Variants in EMC8 observed in about 807,000 individuals in gnomAD.
EMC8 encodes the protein ER membrane protein complex subunit 8, also known as COX4 neighbor.
EMC8 carries 11 observed loss-of-function variants against 24.3 expected under a neutral mutation model. The ratio of observed to expected loss-of-function variants is 0.45; its 90% CI spans 0.28 to 0.75. The LOEUF is 0.75. Among genes scored for constraint, EMC8 ranks in the 30% least tolerant of loss-of-function variants. The pLI, the probability that EMC8 is intolerant of heterozygous loss-of-function variation, is 0.12. For missense variants in EMC8, 277 were observed against 282.7 expected (o/e 0.98, Z 0.14); for synonymous variants, 145 against 117.7 (o/e 1.23, Z -1.50).
intron 1 of EMC8, among the ~76,000 whole-genome samples, chr16:85,794,974 T>A (rs532750217): frequency 6.6e-6 from 1 of 152,208 alleles, no homozygotes; most frequent in African/African-American, 2.4e-5. Context: ...GGTAAGTGGT[T>A]TGGGAGGCAG....
chr16:85,786,828 G>A (rs375783658), intron 2 of EMC8, among the ~76,000 whole-genome samples: 5 of 152,196 alleles, frequency 3.3e-5, no homozygotes, highest in East Asian at 3.8e-4. Flanking sequence ...ACAGAGGTAA[G>A]AACATGAGAG....
At chr16:85,783,128 C>A (rs1221064154) in intron 2 of EMC8, among the ~76,000 whole-genome samples, 1 of 152,106 alleles carries the variant, frequency 6.6e-6, no homozygotes, top group Admixed American at 6.5e-5. Flanking sequence ...CATGGTGAAA[C>A]CCTGTCTCTA....
At chr16:85,782,127 A>C (rs938102560) in intron 2 of EMC8, among the ~76,000 whole-genome samples, 1 of 152,200 alleles carries the variant, frequency 6.6e-6, no homozygotes, top group Non-Finnish European at 1.5e-5. Flanking sequence ...GCTGCTGGGC[A>C]CCTGCCAGCT....
At position 85,799,325 on chromosome 16, in the gene EMC8, G is replaced by C; in HGVS notation, c.-30C>G. Reference sequence around the variant, plus strand: ...ACCCGGGAGGGCCCCGGAGGCCCCTGGGCGCGCGGCTGAGGCCTGGACCCG... The same window carrying C: ...ACCCGGGAGGGCCCCGGAGGCCCCTCGGCGCGCGGCTGAGGCCTGGACCCG... On this transcript the variant is annotated 5_prime_UTR_variant, in exon 1 of 5. Coordinates refer to ENST00000253457, the MANE Select transcript of EMC8 (RefSeq NM_006067.5). The surrounding 1 kb of genome is among the most constrained non-coding windows in gnomAD (Gnocchi z 4.2). The C allele has an allele frequency of 6.6e-7, 1 of 1,514,902 alleles. No individual in the cohort carries two copies. The highest frequency in any genetic ancestry group is 8.9e-7 in the Non-Finnish European group (1 of 1,117,954). The allele number at this position is 1,514,902 out of a possible 1,614,324, so 93.8% of individuals were successfully genotyped here.
rs1366432242 is a variant in EMC8, at chr16:85,780,381, G to C, written c.471C>G (p.His157Gln). The change falls in exon 4 of 5, where the codon CAC becomes CAG. Residue 157 changes from histidine to glutamine, a missense_variant and splice_region_variant. Physicochemically the swap from His to Gln is conservative, Grantham distance 24. Coordinates refer to ENST00000253457, the MANE Select transcript of EMC8 (RefSeq NM_006067.5). Reference sequence around the variant, plus strand: ...GCGGCAGCATGGGGCGCACTCACTGGTGTGGGTCTCTGCACCGCCATCTGT... The same window carrying C: ...GCGGCAGCATGGGGCGCACTCACTGCTGTGGGTCTCTGCACCGCCATCTGT... Reference protein sequence around the residue: ...HENRWRCRDPHHDYCEDWPEA... With the variant: ...HENRWRCRDPQHDYCEDWPEA... 2 of 1,613,152 alleles carry C rather than the reference G, an allele frequency of 1.2e-6. No individual in the cohort carries two copies. The highest frequency in any genetic ancestry group is 1.1e-5 in the South Asian group (1 of 91,070).
At chr16:85,780,241 T>C (rs865961039) in intron 4 of EMC8, 138 bp downstream of exon 4, 33 of 682,240 alleles carry the variant, frequency 4.8e-5, no homozygotes, top group African/African-American at 4.1e-4. Flanking sequence ...CACTGGGGCC[T>C]ACAGGAGCCG....
chr16:85,788,497 TG>T (rs1904858057), intron 2 of EMC8, among the ~76,000 whole-genome samples: 1 of 152,206 alleles, frequency 6.6e-6, no homozygotes, highest in Admixed American at 6.5e-5. Context: ...GAGCCCCAGT[TG>T]GGGAAGGATC....
intron 2 of EMC8, among the ~76,000 whole-genome samples, chr16:85,783,447 C>T (rs1004843979): frequency 6.6e-6 from 1 of 152,196 alleles, no homozygotes; most frequent in Non-Finnish European, 1.5e-5. Context: ...GCACGTGCTA[C>T]GAAGCTCAGC....
chr16:85,793,469 C>T (rs1010037678), intron 1 of EMC8, among the ~76,000 whole-genome samples: 1 of 152,058 alleles, frequency 6.6e-6, no homozygotes, highest in Non-Finnish European at 1.5e-5. Context: ...TCAATGGGAC[C>T]GAGATAGAGG....
chr16:85,796,613 T>C (rs1342720986), intron 1 of EMC8, among the ~76,000 whole-genome samples: 1 of 152,168 alleles, frequency 6.6e-6, no homozygotes, highest in African/African-American at 2.4e-5. Flanking sequence ...CACTCAACTC[T>C]CTCTGCCCGC....
At chr16:85,794,774 T>G (rs1348290369) in intron 1 of EMC8, among the ~76,000 whole-genome samples, 2 of 151,686 alleles carry the variant, frequency 1.3e-5, no homozygotes, top group Admixed American at 6.6e-5. Flanking sequence ...GGGAGTCAAG[T>G]GTGGACCTTA....
chr16:85,791,493 G>A (rs1257136610), intron 1 of EMC8, among the ~76,000 whole-genome samples: 1 of 152,070 alleles, frequency 6.6e-6, no homozygotes, highest in Non-Finnish European at 1.5e-5. Context: ...GACAGGCGCT[G>A]GTGTGTGATG....
intron 3 of EMC8, 145 bp from the exon 4 acceptor site, chr16:85,780,618 C>G (rs556427369): frequency 1.6e-6 from 1 of 636,726 alleles, no homozygotes; most frequent in African/African-American, 1.8e-5. Flanking sequence ...CAGAGTGGCG[C>G]GAGTGTCTGG....
chr16:85,787,443 C>T (rs192527925), intron 2 of EMC8, among the ~76,000 whole-genome samples: 216 of 152,368 alleles, frequency 1.4e-3, no homozygotes, highest in Non-Finnish European at 2.2e-4. Context: ...AACTCAGCCA[C>T]GTGAGGGCAA....
At chr16:85,782,226 C>G (rs998179879) in intron 2 of EMC8, among the ~76,000 whole-genome samples, 4 of 152,150 alleles carry the variant, frequency 2.6e-5, no homozygotes, top group Non-Finnish European at 5.9e-5. Flanking sequence ...TAAGAGCAAC[C>G]TCAGGGCAGC....
chr16:85,780,154 G>A, intron 4 of EMC8: 2 of 602,656 alleles, frequency 3.3e-6, no homozygotes, highest in South Asian at 4.0e-5. Context: ...TGGGAAGAGT[G>A]TCTGTGCTCT....
At chr16:85,797,424 T>C (rs1905282050) in intron 1 of EMC8, among the ~76,000 whole-genome samples, 2 of 152,096 alleles carry the variant, frequency 1.3e-5, no homozygotes, top group Admixed American at 6.6e-5. Context: ...AACAAAAAGA[T>C]GGTTGGAAAG....
rs1244414663 is a variant in EMC8, at chr16:85,778,678, A to G, written c.*1030T>C. The G allele has an allele frequency of 6.6e-6, 1 of 152,194 alleles. No individual in the cohort carries two copies. Among genetic ancestry groups the G allele is most frequent in the East Asian group, 1.9e-4 (1 of 5,200 alleles). The allele number at this position is 152,194 out of a possible 1,614,324, so 9.4% of individuals were successfully genotyped here. A position where few individuals can be genotyped will look rare whatever the true frequency, so the allele number is the denominator to read the frequency against. On this transcript the variant is annotated 3_prime_UTR_variant, in exon 5 of 5. Transcript: ENST00000253457. ...GTAGCGATGTCTGAACTTTTTTCCT[A>G]TGTGTTAAGAGAAAATAGTGACCGC... is the stretch of plus-strand genomic sequence containing the variant.
chr16:85,795,622 AGAG>A (rs1292008056), intron 1 of EMC8, among the ~76,000 whole-genome samples: 12 of 152,188 alleles, frequency 7.9e-5, no homozygotes, highest in Admixed American at 7.9e-4. Context: ...TAAAAACCCA[AGAG>A]GACGGGGAGC....
Sources: gnomAD v4.1 joint callset for allele counts (sites outside exome capture counted in the v4.1 genomes callset) on GRCh38, gnomAD v4.1.1 for gene constraint, Gnocchi (gnomAD v3.1) non-coding constraint, MANE v1.5 for transcripts, NCBI Gene and HGNC (gene_info 2026-07-23, HGNC 2026-07-21) for gene names.